POTEF: variants seen among roughly 807,000 people sequenced by gnomAD.
POTEF encodes the protein ANKRD26-like family C member 1B.
Under a neutral mutation model 83.2 loss-of-function variants are expected in POTEF, and 20 were observed. The ratio of observed to expected loss-of-function variants is 0.24; its 90% CI spans 0.17 to 0.35. The LOEUF (loss-of-function observed/expected upper bound fraction) is 0.35, where lower values mean the gene tolerates loss of function less well. Among genes scored for constraint, POTEF ranks in the 10% least tolerant of loss-of-function variants. The pLI, the probability that POTEF is intolerant of heterozygous loss-of-function variation, is 1.00. For synonymous variants in POTEF, 196 were observed against 446.4 expected (o/e 0.44, Z 7.07); for missense variants, 550 against 1,203.2 (o/e 0.46, Z 8.03).
chr2:130,104,481 T>A (rs1684459574), intron 8 of POTEF, among the ~76,000 whole-genome samples: 1 of 150,082 alleles, frequency 6.7e-6, no homozygotes, highest in Admixed American at 6.6e-5. Context: ...TTGCTTTGTT[T>A]AAAGGAAGAA....
chr2:130,120,474 C>T lies in POTEF; in HGVS notation c.42G>A (p.Val14=), dbSNP rs1242724217. The part of the protein sequence containing the change: ...EVDSMPAASS[V]KKPFGLRSKM... Reference sequence around the variant, plus strand: ...TGCTCCTGAGACCAAATGGCTTCTTCACAGAAGAGGCAGCCGGCATGGAAT... The same window carrying T: ...TGCTCCTGAGACCAAATGGCTTCTTTACAGAAGAGGCAGCCGGCATGGAAT... Residue 14 remains valine (V), a synonymous_variant, in exon 3 of 17, where the codon GTG becomes GTA. Transcript: ENST00000409914. The T allele has an allele frequency of 6.2e-7, 1 of 1,613,562 alleles. No individual in the cohort carries two copies. Among genetic ancestry groups the T allele is most frequent in the East Asian group, 2.2e-5 (1 of 44,788 alleles).
At chr2:130,119,001 A>G (rs1573616080) in intron 3 of POTEF, among the ~76,000 whole-genome samples, 1 of 151,834 alleles carries the variant, frequency 6.6e-6, no homozygotes, top group East Asian at 1.9e-4. Context: ...GTGGAAATAA[A>G]TAACATGCAC....
chr2:130,121,128 C>A (rs1446770948), intron 2 of POTEF, among the ~76,000 whole-genome samples: 1 of 150,192 alleles, frequency 6.7e-6, no homozygotes, highest in Non-Finnish European at 1.5e-5. Flanking sequence ...GCGCGGCGTG[C>A]GCGTGCGCGT....
At chr2:130,115,938 T>C (rs1684832981) in intron 3 of POTEF, among the ~76,000 whole-genome samples, 1 of 152,052 alleles carries the variant, frequency 6.6e-6, no homozygotes, top group African/African-American at 2.4e-5. Flanking sequence ...TTTACTATAA[T>C]TGGCGGCATT....
chr2:130,105,035 C>T (rs1285738109), intron 8 of POTEF, among the ~76,000 whole-genome samples: 7 of 150,066 alleles, frequency 4.7e-5, no homozygotes, highest in African/African-American at 7.5e-5. Context: ...CTCCTTCGTC[C>T]TCACATCCAG....
intron 8 of POTEF, among the ~76,000 whole-genome samples, chr2:130,105,590 T>C (rs1195158441): frequency 6.6e-6 from 1 of 151,010 alleles, no homozygotes; most frequent in Non-Finnish European, 1.5e-5. Flanking sequence ...TGCTTACATA[T>C]AATCATGGTG....
chr2:130,103,035 G>C (rs993905440), intron 8 of POTEF, among the ~76,000 whole-genome samples: 1 of 150,266 alleles, frequency 6.7e-6, no homozygotes, highest in African/African-American at 2.5e-5. Context: ...AGTGTACAAT[G>C]TCTTCCCAAT....
At position 130,120,558 on chromosome 2, in the gene POTEF, C is replaced by A. The variant is rs759266588; in HGVS notation, c.-43G>T. On this transcript the variant is annotated 5_prime_UTR_variant, in exon 3 of 17. Transcript: ENST00000409914. ...GAGAAGCCAGTAGTAGCCAACAGATCGCGTCTACCAACCAGTTTCACCAAC... is the reference window on the plus strand; with the variant it reads ...GAGAAGCCAGTAGTAGCCAACAGATAGCGTCTACCAACCAGTTTCACCAAC... 8 of 1,609,396 alleles carry A rather than the reference C, an allele frequency of 5.0e-6. No individual in the cohort carries two copies. The highest frequency in any genetic ancestry group is 4.4e-5 in the South Asian group (4 of 90,860).
At position 130,075,475 on chromosome 2, in the gene POTEF, T is replaced by A. The variant is rs1459755922; in HGVS notation, c.1997A>T (p.Lys666Ile). 6.2e-7 allele frequency: 1 copy of A among 1,611,358 alleles called. No individual in the cohort carries two copies. Among genetic ancestry groups the A allele is most frequent in the East Asian group, 2.2e-5 (1 of 44,870 alleles). ...AMLRLELDTMKHQSQLREKKY... is the reference protein window; with the variant it reads ...AMLRLELDTMIHQSQLREKKY... ...CTTTTCTCTTAGCTGGCTCTGATGT[T>A]TCATTGTGTCTAGCTCCAGTCTTAG... The change falls in exon 17 of 17, where the codon AAA (lysine) becomes ATA (isoleucine). Residue 666 changes from lysine to isoleucine, a missense_variant. By Grantham distance (102) the Lys-to-Ile change is moderately radical. Coordinates refer to ENST00000409914, the MANE Select transcript of POTEF (RefSeq NM_001099771.2).
At position 130,075,021 on chromosome 2, in the gene POTEF, C is replaced by T. The variant is rs1371013311; in HGVS notation, c.2451G>A (p.Glu817=). 2 of 1,613,532 alleles carry T rather than the reference C, an allele frequency of 1.2e-6. No individual in the cohort carries two copies. The highest frequency in any genetic ancestry group is 8.5e-7 in the Non-Finnish European group (1 of 1,179,944). The change falls in exon 17 of 17, where the codon GAG becomes GAA. Residue 817 remains glutamate, a synonymous_variant. Transcript: ENST00000409914. ...EATLNPKANR[E]KMTQIMFETF... ...TCTCAAACATGATCTGGGTCATCTT[C>T]TCGCGGTTGGCCTTAGGGTTCAGGG...
chr2:130,116,354 G>A (rs1392569929), intron 3 of POTEF, among the ~76,000 whole-genome samples: 1 of 149,540 alleles, frequency 6.7e-6, no homozygotes, highest in Non-Finnish European at 1.5e-5. Context: ...TTTTTCAACT[G>A]TTACATTCAG....
At chr2:130,123,639 GA>G (rs1360435357) in intron 2 of POTEF, among the ~76,000 whole-genome samples, 3 of 151,514 alleles carry the variant, frequency 2.0e-5, no homozygotes, top group Non-Finnish European at 4.4e-5. Flanking sequence ...TAGAAAAAAG[GA>G]ATAAAAAACA....
intron 7 of POTEF, chr2:130,109,501 G>C (rs531893121): frequency 6.7e-6 from 1 of 149,870 alleles, no homozygotes; most frequent in Non-Finnish European, 1.5e-5. Context: ...ATGTAAATCA[G>C]ATCACTCAAG....
chr2:130,095,084 G>A lies in POTEF; in HGVS notation c.1410-1576C>T, dbSNP rs1232265422. 9.2e-4 allele frequency among the ~76,000 whole-genome samples: 66 copies of A among 72,058 alleles called. 1 individual carries two copies. Among genetic ancestry groups the A allele is most frequent in the African/African-American group, 3.4e-3 (63 of 18,348 alleles). 47.3% of individuals were successfully genotyped at this position (72,058 alleles called of 152,430 possible). ...GCTCTGTCACCCAGGCTGGAGTGCA[G>A]TGGCACGATCTTGGCTCACTGCAAG... On this transcript the variant is annotated intron_variant, in intron 11 of 16. Coordinates refer to ENST00000409914, the MANE Select transcript of POTEF (RefSeq NM_001099771.2).
At position 130,073,933 on chromosome 2, in the gene POTEF, A is replaced by T; in HGVS notation, c.*311T>A. The T allele has an allele frequency of 1.9e-6, 1 of 527,836 alleles. No homozygotes were observed. Among genetic ancestry groups the T allele is most frequent in the Middle Eastern group, 5.3e-4 (1 of 1,886 alleles). The allele number at this position is 527,836 out of a possible 1,614,324, so 32.7% of individuals were successfully genotyped here. On this transcript the variant is annotated 3_prime_UTR_variant, in exon 17 of 17. Transcript: ENST00000409914. ...GACTGGGCCATTCTCCTTAGAGAGA[A>T]GTGGGGTGGCTTTTAGCAGGGCAAG... is the stretch of plus-strand genomic sequence containing the variant.
At chr2:130,095,026 T>A (rs1476274801) in intron 11 of POTEF, among the ~76,000 whole-genome samples, 1 of 68,812 alleles carries the variant, frequency 1.5e-5, no homozygotes. Context: ...CATGTCAAAC[T>A]TTTTTTTTTT....
At chr2:130,108,154 T>C (rs1350375689) in intron 7 of POTEF, 75 bp from the exon 8 acceptor site, 51 of 1,499,170 alleles carry the variant, frequency 3.4e-5, no homozygotes, top group Non-Finnish European at 4.3e-5. Context: ...TGTAGAATTA[T>C]TAAGAGTATT....
At chr2:130,076,687 G>A (rs1683814890) in intron 16 of POTEF, among the ~76,000 whole-genome samples, 1 of 146,208 alleles carries the variant, frequency 6.8e-6, no homozygotes, top group Non-Finnish European at 1.5e-5. Context: ...CTCTGACCCA[G>A]CTATACATTT....
At chr2:130,087,660 G>T in intron 13 of POTEF, among the ~76,000 whole-genome samples, 1 of 113,788 alleles carries the variant, frequency 8.8e-6, no homozygotes, top group Non-Finnish European at 1.8e-5. Flanking sequence ...TTCACATGGA[G>T]TCTCGCTCTG....
Sources: gnomAD v4.1 joint callset for allele counts (sites outside exome capture counted in the v4.1 genomes callset) on GRCh38, gnomAD v4.1.1 for gene constraint, MANE v1.5 for transcripts, NCBI Gene and HGNC (gene_info 2026-07-23, HGNC 2026-07-21) for gene names.